Variants in ASCC3 observed in about 807,000 individuals in gnomAD.
The protein encoded by ASCC3 is activating signal cointegrator 1 complex subunit 3, also known as ASC-1 complex subunit P200.
In ASCC3, 158 loss-of-function variants were observed where a neutral mutation model predicts 256.3. The observed-to-expected ratio is 0.62, with a 90% CI of 0.54 to 0.70. The LOEUF is 0.70. Among genes scored for constraint, ASCC3 ranks in the 30% least tolerant of loss-of-function variants. The probability of loss-of-function intolerance (pLI) is 0.00; values close to 1 mark genes in which losing one functional copy is unlikely to be tolerated. For missense variants in ASCC3, 2,259 were observed against 2,626.0 expected, an observed-to-expected ratio of 0.86 and a Z score of 3.05; for synonymous variants, 948 against 883.4, an observed-to-expected ratio of 1.07 and a Z score of -1.30.
intron 19 of ASCC3, 105 bp from the exon 20 acceptor site, chr6:100,650,819 T>C: frequency 1.1e-6 from 1 of 905,348 alleles, no homozygotes; most frequent in Middle Eastern, 3.3e-4. Context: ...CCATTTACTA[T>C]AATGCAGCAT....
chr6:100,582,622 T>C (rs1452204651), intron 36 of ASCC3, among the ~76,000 whole-genome samples: 1 of 152,026 alleles, frequency 6.6e-6, no homozygotes, highest in African/African-American at 2.4e-5. Context: ...TCCAACACTA[T>C]GTTGAATAGG....
At chr6:100,834,134 T>C (rs1441509311) in intron 4 of ASCC3, among the ~76,000 whole-genome samples, 1 of 152,038 alleles carries the variant, frequency 6.6e-6, no homozygotes, top group Non-Finnish European at 1.5e-5. Context: ...GTGGAAAAAA[T>C]GAATAAGTAA....
intron 4 of ASCC3, among the ~76,000 whole-genome samples, chr6:100,825,322 CA>C (rs1582920850): frequency 6.9e-6 from 1 of 145,958 alleles, no homozygotes; most frequent in African/African-American, 2.6e-5. Flanking sequence ...CAGATAATGT[CA>C]AGTAATATTC....
At chr6:100,686,181 C>T (rs527579764) in intron 13 of ASCC3, among the ~76,000 whole-genome samples, 1 of 152,038 alleles carries the variant, frequency 6.6e-6, no homozygotes, top group Non-Finnish European at 1.5e-5. Context: ...AGAAATGAGA[C>T]AATATAAACA....
At chr6:100,569,964 G>A (rs1770501888) in intron 36 of ASCC3, among the ~76,000 whole-genome samples, 1 of 152,096 alleles carries the variant, frequency 6.6e-6, no homozygotes, top group Admixed American at 6.6e-5. Flanking sequence ...TCTTTTAACA[G>A]TATTTTGAAG....
chr6:100,581,412 C>T (rs1262616348), intron 36 of ASCC3, among the ~76,000 whole-genome samples: 3 of 151,996 alleles, frequency 2.0e-5, no homozygotes, highest in African/African-American at 7.3e-5. Flanking sequence ...TGTCCTTCAC[C>T]CACTTTTTGA....
chr6:100,836,022 A>C (rs1433883024), intron 4 of ASCC3, among the ~76,000 whole-genome samples: 1 of 152,062 alleles, frequency 6.6e-6, no homozygotes, highest in Non-Finnish European at 1.5e-5. Context: ...TTTAAATGGA[A>C]TTGTTTTCTT....
At chr6:100,733,805 TGA>T (rs1235051500) in intron 10 of ASCC3, among the ~76,000 whole-genome samples, 1 of 152,230 alleles carries the variant, frequency 6.6e-6, no homozygotes, top group African/African-American at 2.4e-5. Context: ...AGAAAATGCA[TGA>T]GTTTGTAAAG....
In ASCC3 at chr6:100,631,167, T is replaced by C; in HGVS notation, c.4169A>G (p.Asp1390Gly). 6.2e-7 allele frequency: 1 copy of C among 1,612,646 alleles called. No homozygotes were observed. The highest frequency in any genetic ancestry group is 8.5e-7 in the Non-Finnish European group (1 of 1,179,112). ...TTCTTCTATTCTAACTTTCCAATCA[T>C]CCATTCTTTCACGTACTAGGGCTTT... The part of the protein sequence containing the change: ...PLKALVRERM[D>G]DWKVRIEEKL... Residue 1390 changes from aspartate to glycine, a missense_variant, in exon 26 of 42, where the codon GAT (aspartate) becomes GGT (glycine). Asp to Gly is a moderately conservative substitution (Grantham distance 94, BLOSUM62 -1). Transcript: ENST00000369162.
intron 37 of ASCC3, among the ~76,000 whole-genome samples, chr6:100,533,282 A>C (rs548452159): frequency 1.3e-5 from 2 of 152,298 alleles, no homozygotes; most frequent in African/African-American, 4.8e-5. Flanking sequence ...TGTAATTATA[A>C]ACAAAAATAC....
chr6:100,520,318 C>G lies in ASCC3; in HGVS notation c.5776-2176G>C, dbSNP rs571049848. ...TCAGCATCCTCTGATCTGTCTGGTC[C>G]TTGCTTTTCACTCTGGCCACGTCCC... On this transcript the variant is annotated intron_variant, in intron 37 of 41. Transcript: ENST00000369162. 9.2e-5 allele frequency among the ~76,000 whole-genome samples: 14 copies of G among 152,124 alleles called. No homozygotes were observed. In the East Asian group the frequency reaches 2.7e-3, roughly 29 times the overall value.
In ASCC3 at chr6:100,625,254, A is replaced by G. The variant is rs759634802; in HGVS notation, c.4723T>C (p.Leu1575=). 6.8e-6 allele frequency: 11 copies of G among 1,613,066 alleles called. No homozygotes were observed. Among genetic ancestry groups the G allele is most frequent in the Non-Finnish European group, 9.3e-6 (11 of 1,179,322 alleles). Residue 1575 remains leucine, a synonymous_variant, in exon 30 of 42, where the codon TTG becomes CTG. Transcript: ENST00000369162. ...RRQTRLTALE[L]IAFLATEEDP... Reference sequence around the variant, plus strand: ...TCTTCAGTAGCCAGGAAGGCGATCAATTCCAAAGCAGTAAGACGAGTTTGA... The same window carrying G: ...TCTTCAGTAGCCAGGAAGGCGATCAGTTCCAAAGCAGTAAGACGAGTTTGA...
intron 10 of ASCC3, among the ~76,000 whole-genome samples, chr6:100,727,574 C>G (rs1258735922): frequency 6.6e-6 from 1 of 151,974 alleles, no homozygotes; most frequent in East Asian, 1.9e-4. Flanking sequence ...GCAGCAATTA[C>G]AGGCAGATGA....
At chr6:100,670,557 A>G (rs994166928) in intron 14 of ASCC3, among the ~76,000 whole-genome samples, 1 of 149,092 alleles carries the variant, frequency 6.7e-6, no homozygotes, top group Non-Finnish European at 1.5e-5. Flanking sequence ...GAACAGATAC[A>G]ACCATCTTCC....
chr6:100,616,349 T>G (rs1773662311), intron 30 of ASCC3, among the ~76,000 whole-genome samples: 1 of 152,222 alleles, frequency 6.6e-6, no homozygotes, highest in South Asian at 2.1e-4. Context: ...GTGAAAACAC[T>G]ATCAATCTTA....
chr6:100,567,165 A>T (rs529847846), intron 36 of ASCC3, among the ~76,000 whole-genome samples: 73 of 152,196 alleles, frequency 4.8e-4, no homozygotes, highest in African/African-American at 1.6e-3. Context: ...TCAAGAAAAA[A>T]ATTCTTTAAA....
At chr6:100,628,009 A>G (rs1018125531) in intron 27 of ASCC3, 22 bp from the exon 28 acceptor site, 4 of 1,611,910 alleles carry the variant, frequency 2.5e-6, no homozygotes, top group Admixed American at 1.7e-5. Flanking sequence ...GGAAAAATCA[A>G]TGTTAATCAT....
At chr6:100,589,228 T>C (rs1771861459) in intron 36 of ASCC3, among the ~76,000 whole-genome samples, 1 of 152,136 alleles carries the variant, frequency 6.6e-6, no homozygotes, top group South Asian at 2.1e-4. Context: ...CTTAATTGTG[T>C]GGATGCTTAT....
chr6:100,713,600 T>G (rs151331694), intron 13 of ASCC3, among the ~76,000 whole-genome samples: 1 of 152,296 alleles, frequency 6.6e-6, no homozygotes, highest in Non-Finnish European at 1.5e-5. Flanking sequence ...GTTCATTGAT[T>G]GAATCAAATT....
Sources: allele counts gnomAD v4.1 joint callset (sites outside exome capture counted in the v4.1 genomes callset), GRCh38; gene constraint gnomAD v4.1.1; transcripts MANE v1.5; gene names NCBI Gene and HGNC (gene_info 2026-07-23, HGNC 2026-07-21).